ITLN2: variants seen among roughly 807,000 people sequenced by gnomAD.
ITLN2 encodes the protein intelectin 2, also known as intelectin-2.
ITLN2 carries 29 observed loss-of-function variants against 39.4 expected under a neutral mutation model. That is an observed-to-expected ratio of 0.74 (90% CI 0.55 to 1.00). The LOEUF is 1.00. Among genes scored for constraint, ITLN2 ranks in the 50% least tolerant of loss-of-function variants. The pLI is 0.00. For missense variants in ITLN2, 412 were observed against 416.7 expected (o/e 0.99, Z 0.10); for synonymous variants, 156 against 153.4 (o/e 1.02, Z -0.12).
At chr1:160,950,450 C>T in intron 5 of ITLN2, 103 bp downstream of exon 5, 1 of 1,390,328 alleles carries the variant, frequency 7.2e-7, no homozygotes, top group Non-Finnish European at 9.9e-7. Flanking sequence ...CAGCCAACCA[C>T]TCAGTAGTGA....
chr1:160,947,950 A>T lies in ITLN2; in HGVS notation c.804T>A (p.Val268=), dbSNP rs772695455. 1.9e-6 allele frequency: 3 copies of T among 1,613,800 alleles called. No homozygotes were observed. The highest frequency in any genetic ancestry group is 2.5e-6 in the Non-Finnish European group (3 of 1,179,844). Residue 268 remains valine (V), a synonymous_variant, in exon 7 of 8, where the codon GTT becomes GTA. Coordinates refer to ENST00000368029, the MANE Select transcript of ITLN2 (RefSeq NM_080878.3). The part of the protein sequence containing the change: ...AANALCAGIK[V]TGCNTEHHCI... Reference sequence around the variant, plus strand: ...TCACATGCTCAGTGTTACAGCCAGTAACTTTTATCCCAGCACAAAGGGCGT... The same window carrying T: ...TCACATGCTCAGTGTTACAGCCAGTTACTTTTATCCCAGCACAAAGGGCGT...
At chr1:160,954,241 G>C in intron 2 of ITLN2, 146 bp downstream of exon 2, 1 of 640,990 alleles carries the variant, frequency 1.6e-6, no homozygotes, top group Non-Finnish European at 2.7e-6. Flanking sequence ...ACCTCAAGTT[G>C]GCTGCCTAGC....
rs543475145 is a variant in ITLN2, at chr1:160,950,668, C to A, written c.485G>T (p.Trp162Leu). 6.2e-7 allele frequency: 1 copy of A among 1,614,136 alleles called. No homozygotes were observed. Among genetic ancestry groups the A allele is most frequent in the East Asian group, 2.2e-5 (1 of 44,886 alleles). ...CATGGGGGACTTGTTGGGCACATGCCAGATGCCCAGGTCCTTGGCCTGGAT... is the reference window on the plus strand; with the variant it reads ...CATGGGGGACTTGTTGGGCACATGCAAGATGCCCAGGTCCTTGGCCTGGAT... Reference protein sequence around the residue: ...YDIQAKDLGIWHVPNKSPMQH... With the variant: ...YDIQAKDLGILHVPNKSPMQH... The change falls in exon 5 of 8, where the codon TGG becomes TTG. Residue 162 changes from tryptophan (W) to leucine (L), a missense_variant. By Grantham distance (61) the Trp-to-Leu change is moderately conservative (BLOSUM62 -2). Coordinates refer to ENST00000368029, the MANE Select transcript of ITLN2 (RefSeq NM_080878.3).
intron 1 of ITLN2, 81 bp downstream of exon 1, chr1:160,954,646 C>A: frequency 6.4e-7 from 1 of 1,550,446 alleles, no homozygotes; most frequent in East Asian, 2.2e-5. Context: ...GCTCATTTCC[C>A]TGAAACTCTA....
rs778201129 is a variant in ITLN2 at position 160,954,780 on chromosome 1, G to A, written c.-39C>T. The A allele has an allele frequency of 6.2e-7, 1 of 1,611,548 alleles. No individual in the cohort carries two copies. Among genetic ancestry groups the A allele is most frequent in the Admixed American group, 1.7e-5 (1 of 59,920 alleles). On this transcript the variant is annotated 5_prime_UTR_variant, in exon 1 of 8. Transcript: ENST00000368029. ...AGGAGCTGATAGTTCCCTTCCTGTG[G>A]ACACTCGGAGCTCCCCTGCAGAGGA...
At chr1:160,953,864 C>T (rs1218114091) in intron 2 of ITLN2, among the ~76,000 whole-genome samples, 1 of 152,074 alleles carries the variant, frequency 6.6e-6, no homozygotes, top group African/African-American at 2.4e-5. Context: ...AATGAGATGA[C>T]ATATGTAAAT....
chr1:160,946,493 C>T (rs937476998), intron 7 of ITLN2, among the ~76,000 whole-genome samples: 7 of 151,926 alleles, frequency 4.6e-5, no homozygotes, highest in Non-Finnish European at 1.0e-4. Context: ...GGGCGGATCA[C>T]GAGGTCAGGA....
intron 1 of ITLN2, 23 bp downstream of exon 1, chr1:160,954,704 T>C (rs141499353): frequency 4.3e-6 from 7 of 1,613,732 alleles, no homozygotes; most frequent in Non-Finnish European, 5.9e-6. Context: ...CCCACACACA[T>C]GGATCAAAAA....
rs150936339 is a variant in ITLN2, at chr1:160,951,272, C to T, written c.212G>A (p.Arg71His). ...CTGGTAGACAACACCATTCTTGGTG[C>T]GGAGAAAATACAGGCCATCTGTAGA... ...HSAGDGLYFLRTKNGVVYQTF... is the reference protein window; with the variant it reads ...HSAGDGLYFLHTKNGVVYQTF... The change falls in exon 4 of 8, where the codon CGC (arginine) becomes CAC (histidine). Residue 71 changes from arginine (R) to histidine (H), a missense_variant. Arg to His is a conservative substitution (Grantham distance 29). Transcript: ENST00000368029. 1.9e-4 allele frequency: 299 copies of T among 1,589,244 alleles called. 1 individual carries two copies. The Middle Eastern group carries it at 3.5e-3, about 19-fold the overall frequency.
At chr1:160,952,314 G>C (rs559208927) in intron 3 of ITLN2, among the ~76,000 whole-genome samples, 1 of 152,124 alleles carries the variant, frequency 6.6e-6, no homozygotes, top group Non-Finnish European at 1.5e-5. Context: ...TCTCTGGCTC[G>C]GGAGTTTCAG....
rs1671568387 is a variant in ITLN2, at chr1:160,945,106, A to G, written c.*34T>C. ...GTCTCCAAATAGCCGGGGTTGGAAG[A>G]TGGGTTCTCGCCCTGACACCGCAGA... On this transcript the variant is annotated 3_prime_UTR_variant, in exon 8 of 8. Coordinates refer to ENST00000368029, the MANE Select transcript of ITLN2 (RefSeq NM_080878.3). The G allele has an allele frequency of 1.3e-6, 2 of 1,531,772 alleles. No homozygotes were observed. Among genetic ancestry groups the G allele is most frequent in the East Asian group, 2.5e-5 (1 of 39,294 alleles). 94.9% of individuals were successfully genotyped at this position (1,531,772 alleles called of 1,614,324 possible).
intron 6 of ITLN2, 91 bp downstream of exon 6, chr1:160,949,955 A>G (rs41266941): frequency 0.015 from 18,106 of 1,203,506 alleles, 238 homozygotes; most frequent in South Asian, 0.043. Flanking sequence ...TGCTCAGTAA[A>G]TACTAGCAAT....
intron 3 of ITLN2, 57 bp downstream of exon 3, chr1:160,952,563 T>C (rs1245241520): frequency 5.3e-5 from 63 of 1,178,932 alleles, no homozygotes; most frequent in Non-Finnish European, 7.9e-5. Context: ...ATGACTGGGC[T>C]CTGTTGAGCT....
rs761339023 is a variant in ITLN2 at position 160,954,747 on chromosome 1, C to A, written c.-6G>T. 6 of 1,613,930 alleles carry A rather than the reference C, an allele frequency of 3.7e-6. No homozygotes were observed. The highest frequency in any genetic ancestry group is 5.1e-6 in the Non-Finnish European group (6 of 1,179,870). On this transcript the variant is annotated 5_prime_UTR_variant, in exon 1 of 8. Coordinates refer to ENST00000368029, the MANE Select transcript of ITLN2 (RefSeq NM_080878.3). ...CTCACCAGCATGGACAGCATCCTTA[C>A]AGATGCCAGGAGCTGATAGTTCCCT...
At chr1:160,947,453 ACTC>A (rs1177829668) in intron 7 of ITLN2, among the ~76,000 whole-genome samples, 4 of 151,834 alleles carry the variant, frequency 2.6e-5, no homozygotes, top group Admixed American at 1.3e-4. Context: ...CTCTTTCACT[ACTC>A]CTCCTCAGCA....
intron 2 of ITLN2, among the ~76,000 whole-genome samples, chr1:160,953,129 G>A (rs544734903): frequency 1.3e-5 from 2 of 152,274 alleles, no homozygotes; most frequent in South Asian, 4.1e-4. Context: ...GATTTTGATG[G>A]GAGAATGGGA....
At chr1:160,946,167 C>T (rs528862210) in intron 7 of ITLN2, among the ~76,000 whole-genome samples, 3 of 150,582 alleles carry the variant, frequency 2.0e-5, no homozygotes, top group East Asian at 3.9e-4. Flanking sequence ...AAAAATTAGC[C>T]GGGTGTGGCA....
At position 160,945,076 on chromosome 1, in the gene ITLN2, T is replaced by C. The variant is rs934823985; in HGVS notation, c.*64A>G. On this transcript the variant is annotated 3_prime_UTR_variant, in exon 8 of 8. Transcript: ENST00000368029. ...TCTCCTCCTTGTTAGAATTCCAGTTTTTCCGTCTCCAAATAGCCGGGGTTG... is the reference window on the plus strand; with the variant it reads ...TCTCCTCCTTGTTAGAATTCCAGTTCTTCCGTCTCCAAATAGCCGGGGTTG... 3.4e-6 allele frequency: 5 copies of C among 1,454,924 alleles called. No individual in the cohort carries two copies. In the Admixed American group the frequency reaches 1.1e-4, roughly 31 times the overall value. 90.1% of individuals were successfully genotyped at this position (1,454,924 alleles called of 1,614,324 possible).
At chr1:160,953,581 C>T (rs1427124920) in intron 2 of ITLN2, among the ~76,000 whole-genome samples, 1 of 152,044 alleles carries the variant, frequency 6.6e-6, no homozygotes, top group African/African-American at 2.4e-5. Context: ...TGTGGTGGTG[C>T]ACACCTGTAA....
Sources: allele counts gnomAD v4.1 joint callset (sites outside exome capture counted in the v4.1 genomes callset), GRCh38; gene constraint gnomAD v4.1.1; transcripts MANE v1.5; gene names NCBI Gene and HGNC (gene_info 2026-07-23, HGNC 2026-07-21).